Variants in NINJ1 observed in about 807,000 individuals in gnomAD.
NINJ1 encodes ninjurin-1.
In NINJ1, 6 loss-of-function variants were observed where a neutral mutation model predicts 12.7. The ratio of observed to expected loss-of-function variants is 0.47; its 90% CI spans 0.26 to 0.93. The LOEUF (loss-of-function observed/expected upper bound fraction) is 0.93. NINJ1 is among the 40% of genes least tolerant of loss of function. The pLI is 0.15. For synonymous variants in NINJ1, 100 were observed against 96.0 expected (o/e 1.04, Z -0.25); for missense variants, 170 against 213.0 (o/e 0.80, Z 1.26).
chr9:93,126,158 C>G, intron 2 of NINJ1: 1 of 528,578 alleles, frequency 1.9e-6, no homozygotes, highest in South Asian at 2.4e-5. Context: ...GACTGCGCCA[C>G]TGCATTCCAG....
At chr9:93,129,087 G>C (rs937095542) in intron 1 of NINJ1, among the ~76,000 whole-genome samples, 1 of 152,134 alleles carries the variant, frequency 6.6e-6, no homozygotes, top group Non-Finnish European at 1.5e-5. Flanking sequence ...AGCTCCCCAA[G>C]CCTCAGCTCT....
chr9:93,133,738 G>A (rs1277476336), intron 1 of NINJ1, among the ~76,000 whole-genome samples: 1 of 152,220 alleles, frequency 6.6e-6, no homozygotes. Flanking sequence ...CCCGCCTCCG[G>A]GCAAAGTGCG....
chr9:93,130,926 C>T (rs1410768934), intron 1 of NINJ1, among the ~76,000 whole-genome samples: 1 of 152,234 alleles, frequency 6.6e-6, no homozygotes, highest in Non-Finnish European at 1.5e-5. Flanking sequence ...CTTGGCTGCT[C>T]GCAGCCTGTC....
At chr9:93,127,616 C>A (rs1827832647) in intron 1 of NINJ1, among the ~76,000 whole-genome samples, 1 of 152,238 alleles carries the variant, frequency 6.6e-6, no homozygotes. Context: ...AGAGTCTGCC[C>A]CTCTCAAGCT....
intron 1 of NINJ1, among the ~76,000 whole-genome samples, chr9:93,129,571 GCTCCCCCTCCGTTGGCCTCAGT>G (rs1827861180): frequency 6.6e-6 from 1 of 152,164 alleles, no homozygotes; most frequent in Admixed American, 6.5e-5. Flanking sequence ...CCTGACGCAA[GCTCCCCCTCCGTTGGCCTCAGT>G]CTCCCCCTCC....
chr9:93,123,031 G>A (rs1827756403), intron 3 of NINJ1, among the ~76,000 whole-genome samples: 1 of 152,258 alleles, frequency 6.6e-6, no homozygotes. Flanking sequence ...GACCCCACAT[G>A]GGGCCGCCCA....
chr9:93,126,241 GGGA>G, intron 2 of NINJ1, 166 bp downstream of exon 2: 1 of 578,606 alleles, frequency 1.7e-6, no homozygotes, highest in South Asian at 2.1e-5. Flanking sequence ...GCAGGGTGGG[GGGA>G]GGGGGGGTGC....
intron 1 of NINJ1, among the ~76,000 whole-genome samples, chr9:93,127,950 C>T (rs994291167): frequency 6.6e-6 from 1 of 152,236 alleles, no homozygotes; most frequent in Admixed American, 6.5e-5. Flanking sequence ...CAATACAGAA[C>T]CAGCAGAGGG....
rs375905141 is a variant in NINJ1, at chr9:93,124,911, C to T, written c.456G>A (p.Gln152=). The T allele has an allele frequency of 1.2e-5, 19 of 1,608,494 alleles. No individual in the cohort carries two copies. In the African/African-American group the frequency reaches 1.9e-4, roughly 16 times the overall value. ...QKPLMDMAPQ[Q] ...TCTCCCAGCTCACCTGGGTGTCCTA[C>T]TGCTGGGGTGCCATGTCCATCAAGG... Residue 152 remains glutamine, a synonymous_variant, in exon 3 of 4, where the codon CAG becomes CAA. Transcript: ENST00000375446.
intron 1 of NINJ1, among the ~76,000 whole-genome samples, chr9:93,130,476 C>A (rs893821600): frequency 3.9e-5 from 6 of 152,176 alleles, no homozygotes; most frequent in Admixed American, 3.9e-4. Context: ...TGTGGGCCCA[C>A]AAATGTGGTG....
Position 93,124,900 on chromosome 9 carries a change from TG to T in NINJ1, c.*7del. The T allele has an allele frequency of 6.2e-7, 1 of 1,604,242 alleles. No individual in the cohort carries two copies. Among genetic ancestry groups the T allele is most frequent in the Non-Finnish European group, 8.5e-7 (1 of 1,174,792 alleles). ...CTCGCGCCCCATCTCCCAGCTCACC[TG>T]GGTGTCCTACTGCTGGGGTGCCATG... On this transcript the variant is annotated splice_region_variant and 3_prime_UTR_variant, in exon 3 of 4. Coordinates refer to ENST00000375446, the MANE Select transcript of NINJ1 (RefSeq NM_004148.4).
At chr9:93,128,247 G>A (rs1376665875) in intron 1 of NINJ1, among the ~76,000 whole-genome samples, 1 of 152,178 alleles carries the variant, frequency 6.6e-6, no homozygotes, top group African/African-American at 2.4e-5. Flanking sequence ...GCCTCTATGG[G>A]GTGTCTACTT....
At chr9:93,131,815 C>A (rs191910922) in intron 1 of NINJ1, among the ~76,000 whole-genome samples, 63 of 152,348 alleles carry the variant, frequency 4.1e-4, no homozygotes, top group African/African-American at 1.4e-3. Context: ...CAACAGAGCC[C>A]ACCCAGGTTG....
chr9:93,131,324 C>G (rs1291615835), intron 1 of NINJ1, among the ~76,000 whole-genome samples: 1 of 152,244 alleles, frequency 6.6e-6, no homozygotes, highest in Non-Finnish European at 1.5e-5. Flanking sequence ...CCACGAGTGG[C>G]CCTGAGACCA....
intron 1 of NINJ1, among the ~76,000 whole-genome samples, chr9:93,129,624 G>A (rs1454804541): frequency 6.6e-6 from 1 of 152,186 alleles, no homozygotes; most frequent in East Asian, 1.9e-4. Flanking sequence ...GGTTGCACCT[G>A]GGAAACTCCT....
chr9:93,128,833 GAC>G (rs1433603899), intron 1 of NINJ1, among the ~76,000 whole-genome samples: 4 of 151,400 alleles, frequency 2.6e-5, no homozygotes, highest in Admixed American at 2.6e-4. Context: ...CCCCCAGAAA[GAC>G]ACACATAGAC....
chr9:93,122,422 G>C (rs998494486), intron 3 of NINJ1, among the ~76,000 whole-genome samples, 192 bp from the exon 4 acceptor site: 5 of 151,182 alleles, frequency 3.3e-5, no homozygotes, highest in Non-Finnish European at 7.4e-5. Context: ...CTGGGAAGGG[G>C]GGAGAGGAGA....
chr9:93,129,313 G>A (rs943798045), intron 1 of NINJ1, among the ~76,000 whole-genome samples: 2 of 152,190 alleles, frequency 1.3e-5, no homozygotes, highest in Non-Finnish European at 2.9e-5. Context: ...CCTGCTTCAG[G>A]CTCCAGCTGT....
At chr9:93,134,046 C>G in intron 1 of NINJ1, 97 bp downstream of exon 1, 1 of 923,560 alleles carries the variant, frequency 1.1e-6, no homozygotes, top group Admixed American at 2.7e-5. Context: ...CAACACTCTG[C>G]AGTGCGGACG....
Sources: allele counts gnomAD v4.1 joint callset (sites outside exome capture counted in the v4.1 genomes callset), GRCh38; gene constraint gnomAD v4.1.1; transcripts MANE v1.5; gene names NCBI Gene and HGNC (gene_info 2026-07-23, HGNC 2026-07-21).